The following CLIC5 variants were observed in gnomAD, a reference collection of about 807,000 sequenced individuals.
The protein encoded by CLIC5 is chloride intracellular channel protein 5.
A neutral mutation model predicts 24.7 loss-of-function variants in CLIC5; 20 were observed. That is an observed-to-expected ratio of 0.81 (90% CI 0.57 to 1.18). The LOEUF (loss-of-function observed/expected upper bound fraction) is 1.18, where lower values mean the gene tolerates loss of function less well. Ranked by LOEUF, CLIC5 falls within the 50% of genes most tolerant of loss-of-function variation. CLIC5 has a pLI of 0.00. For synonymous variants in CLIC5, 159 were observed against 135.6 expected (o/e 1.17, Z -1.20); for missense variants, 341 against 326.1 (o/e 1.05, Z -0.35).
intron 1 of CLIC5, among the ~76,000 whole-genome samples, chr6:46,073,722 C>G (rs1329452143): frequency 6.6e-6 from 1 of 152,208 alleles, no homozygotes; most frequent in Non-Finnish European, 1.5e-5. Context: ...TCGTCATCTG[C>G]TCTTCACCTA....
At chr6:46,114,906 G>GAGATTCT in the CLIC5 span, among the ~76,000 whole-genome samples, 1 of 152,162 alleles carries the variant, frequency 6.6e-6, no homozygotes, top group Non-Finnish European at 1.5e-5. Context: ...GGGTGGCTAG[G>GAGATTCT]AGATTCTATG....
chr6:46,077,111 G>A (rs1762791514), intron 1 of CLIC5, among the ~76,000 whole-genome samples: 1 of 152,068 alleles, frequency 6.6e-6, no homozygotes, highest in Admixed American at 6.5e-5. Flanking sequence ...AAGTGCATGG[G>A]AGACGAGACT....
At chr6:46,129,743 G>GC in the CLIC5 span, 431 of 152,006 alleles carry the variant, frequency 2.8e-3, 16 homozygotes, top group Admixed American at 0.026. Context: ...GGACTCGCTG[G>GC]TTTTTAGGTT....
chr6:46,032,258 G>A (rs980617012), intron 1 of CLIC5, among the ~76,000 whole-genome samples: 2 of 152,110 alleles, frequency 1.3e-5, no homozygotes, highest in African/African-American at 2.4e-5. Flanking sequence ...CAGATCTGAT[G>A]AGAACTCACT....
At chr6:46,078,090 T>C (rs1005278345) in intron 1 of CLIC5, among the ~76,000 whole-genome samples, 1 of 152,160 alleles carries the variant, frequency 6.6e-6, no homozygotes, top group Non-Finnish European at 1.5e-5. Flanking sequence ...CCAGGAGCTG[T>C]GGCTCACGTC....
At chr6:46,101,118 C>T in the CLIC5 span, among the ~76,000 whole-genome samples, 1 of 152,184 alleles carries the variant, frequency 6.6e-6, no homozygotes, top group Non-Finnish European at 1.5e-5. Flanking sequence ...CCTGTGCCAA[C>T]CCACTAAGTC....
Position 45,905,286 on chromosome 6 carries a change from T to G in CLIC5, c.589-2031A>C, listed in dbSNP as rs113401100. ...GGTCAAATGATAGTTCTGCTTTTAG[T>G]TCTTTGAGAAATCTCCAGAGTGACT... On this transcript the variant is annotated intron_variant, in intron 5 of 5. Coordinates refer to ENST00000339561, the MANE Select transcript of CLIC5 (RefSeq NM_016929.5). Among the ~76,000 whole-genome samples, 1,185 of 152,334 alleles carry G rather than the reference T, an allele frequency of 7.8e-3. 13 individuals are homozygous for G. Among genetic ancestry groups the G allele is most frequent in the African/African-American group, 0.027 (1,103 of 41,572 alleles).
chr6:46,066,531 C>A (rs1762447531), intron 1 of CLIC5, among the ~76,000 whole-genome samples: 1 of 152,138 alleles, frequency 6.6e-6, no homozygotes, highest in African/African-American at 2.4e-5. Context: ...GCAAACTGAA[C>A]TATCCCCCGC....
At chr6:45,916,299 G>T (rs1008643714) in intron 4 of CLIC5, among the ~76,000 whole-genome samples, 5 of 152,160 alleles carry the variant, frequency 3.3e-5, no homozygotes, top group African/African-American at 1.2e-4. Flanking sequence ...GGAAAATGCA[G>T]TATATTCCTT....
chr6:45,927,444 G>A (rs1199835604), intron 4 of CLIC5, among the ~76,000 whole-genome samples: 2 of 152,190 alleles, frequency 1.3e-5, no homozygotes, highest in African/African-American at 2.4e-5. Context: ...AGGAAGGATT[G>A]TTGAGATGAA....
At chr6:46,009,133 A>G (rs1193062503) in intron 1 of CLIC5, among the ~76,000 whole-genome samples, 1 of 151,680 alleles carries the variant, frequency 6.6e-6, no homozygotes, top group Non-Finnish European at 1.5e-5. Flanking sequence ...CAGCCTACCC[A>G]TGGTTTACCT....
At chr6:46,057,240 G>C (rs1305890906) in intron 1 of CLIC5, among the ~76,000 whole-genome samples, 1 of 152,224 alleles carries the variant, frequency 6.6e-6, no homozygotes, top group Non-Finnish European at 1.5e-5. Flanking sequence ...CCCAGGGGGA[G>C]GTAATTCAAT....
chr6:46,039,390 TA>T (rs35899190), intron 1 of CLIC5, among the ~76,000 whole-genome samples: 77,143 of 151,582 alleles, frequency 0.51, 19,919 homozygotes, highest in Non-Finnish European at 0.56. Context: ...CTTATTACAT[TA>T]AAAAAACCAG....
intron 4 of CLIC5, among the ~76,000 whole-genome samples, chr6:45,921,805 C>A (rs1763272017): frequency 6.6e-6 from 1 of 152,140 alleles, no homozygotes; most frequent in Non-Finnish European, 1.5e-5. Context: ...CTCTCCAGGC[C>A]ACATGGGTGT....
At chr6:46,043,823 G>A (rs1456951517) in intron 1 of CLIC5, among the ~76,000 whole-genome samples, 1 of 152,190 alleles carries the variant, frequency 6.6e-6, no homozygotes, top group African/African-American at 2.4e-5. Flanking sequence ...CTACACTGAG[G>A]TATGGCAAGG....
At chr6:46,006,701 C>T (rs1766597673) in intron 1 of CLIC5, among the ~76,000 whole-genome samples, 1 of 141,198 alleles carries the variant, frequency 7.1e-6, no homozygotes, top group South Asian at 2.2e-4. Context: ...TTTTTTGAGA[C>T]AGTCTTGCTC....
chr6:46,073,236 C>T (rs532179106), intron 1 of CLIC5, among the ~76,000 whole-genome samples: 1 of 152,242 alleles, frequency 6.6e-6, no homozygotes, highest in South Asian at 2.1e-4. Context: ...GCTATCTCAC[C>T]CCATGCAAAC....
intron 4 of CLIC5, chr6:45,920,000 CT>C (rs2127325081): frequency 5.3e-6 from 1 of 187,242 alleles, no homozygotes; most frequent in East Asian, 1.9e-4. Flanking sequence ...TGCAAGGCCA[CT>C]TCTGGGTGCA....
intron 1 of CLIC5, among the ~76,000 whole-genome samples, chr6:45,966,899 G>GAT (rs1765033066): frequency 1.3e-5 from 2 of 152,192 alleles, no homozygotes; most frequent in Non-Finnish European, 2.9e-5. Flanking sequence ...ATATTTTTAT[G>GAT]GTTGCATCTC....
Sources: allele counts gnomAD v4.1 joint callset (sites outside exome capture counted in the v4.1 genomes callset), GRCh38; gene constraint gnomAD v4.1.1; transcripts MANE v1.5; gene names NCBI Gene and HGNC (gene_info 2026-07-23, HGNC 2026-07-21).